Variants in CDT1 observed in about 807,000 individuals in gnomAD.
The protein encoded by CDT1 is DNA replication factor Cdt1.
Under a neutral mutation model 49.3 loss-of-function variants are expected in CDT1, and 66 were observed. That is an observed-to-expected ratio of 1.34 (90% confidence interval 1.10 to 1.64). CDT1 has a LOEUF of 1.64. CDT1 is among the 40% of genes most tolerant of loss of function. The probability of loss-of-function intolerance (pLI) is 0.00; values close to 1 mark genes in which losing one functional copy is unlikely to be tolerated. For missense variants in CDT1, 958 were observed against 807.7 expected, an observed-to-expected ratio of 1.19 and a Z score of -2.26; for synonymous variants, 424 against 347.4, an observed-to-expected ratio of 1.22 and a Z score of -2.45.
In CDT1 at chr16:88,806,538, C is replaced by T. The variant is rs141042249; in HGVS notation, c.986C>T (p.Thr329Ile). The change falls in exon 7 of 10, where the codon ACC becomes ATC. Residue 329 changes from threonine to isoleucine, a missense_variant. Thr to Ile is a moderately conservative substitution (Grantham distance 89, BLOSUM62 -1). Coordinates refer to ENST00000301019, the MANE Select transcript of CDT1 (RefSeq NM_030928.4). Reference protein sequence around the residue: ...PAMVVPEDQLTRWHPRFNVDE... With the variant: ...PAMVVPEDQLIRWHPRFNVDE... ...ATGGTGGTGCCGGAGGACCAGCTGA[C>T]CCGCTGGCACCCGCGCTTCAACGTG... is the stretch of plus-strand genomic sequence containing the variant. The T allele has an allele frequency of 4.3e-6, 7 of 1,609,784 alleles. No individual in the cohort carries two copies. The highest frequency in any genetic ancestry group is 5.9e-6 in the Non-Finnish European group (7 of 1,178,834).
Position 88,806,456 on chromosome 16 carries a change from CAGGGTCACCCA to C in CDT1, c.934-29_934-19del. 2 of 1,605,448 alleles carry C rather than the reference CAGGGTCACCCA, an allele frequency of 1.2e-6. No homozygotes were observed. The highest frequency in any genetic ancestry group is 1.7e-6 in the Non-Finnish European group (2 of 1,177,084). On this transcript the variant is annotated intron_variant, in intron 6 of 9. Transcript: ENST00000301019. ...AGTCTGCCCTTGTCTCAGATGTGCC[CAGGGTCACCCA>C]TCTACTCCTTCTCCCCAGGCCTTCC...
chr16:88,807,231 G>A (rs774562113), intron 8 of CDT1, 28 bp downstream of exon 8: 5 of 1,611,114 alleles, frequency 3.1e-6, no homozygotes, highest in Non-Finnish European at 3.4e-6. Flanking sequence ...ATGGCGGGTG[G>A]GCGCCTGGTG....
Position 88,808,304 on chromosome 16 carries a change from T to A in CDT1, c.*26T>A, listed in dbSNP as rs373891152. On this transcript the variant is annotated 3_prime_UTR_variant, in exon 10 of 10. Coordinates refer to ENST00000301019, the MANE Select transcript of CDT1 (RefSeq NM_030928.4). ...GCCTGGGGGCCACTGTGGACAGACGTGGGCTTCAGAAGCTCGCTGGCCTGG... is the reference window on the plus strand; with the variant it reads ...GCCTGGGGGCCACTGTGGACAGACGAGGGCTTCAGAAGCTCGCTGGCCTGG... 5 of 1,561,106 alleles carry A rather than the reference T, an allele frequency of 3.2e-6. No individual in the cohort carries two copies. The highest frequency in any genetic ancestry group is 3.8e-5 in the Admixed American group (2 of 52,620).
At position 88,805,512 on chromosome 16, in the gene CDT1, C is replaced by T. The variant is rs964098512; in HGVS notation, c.561C>T (p.Pro187=). ...CCGGCCTGCCGGGACTCGTGCTGCCCTACAAGTACCAGGTGCTGGCGGAGA... is the reference window on the plus strand; with the variant it reads ...CCGGCCTGCCGGGACTCGTGCTGCCTTACAAGTACCAGGTGCTGGCGGAGA... ...AQPGLPGLVL[P]YKYQVLAEMF... The change falls in exon 4 of 10, where the codon CCC becomes CCT. Residue 187 remains proline, a synonymous_variant. Transcript: ENST00000301019. 20 of 1,612,820 alleles carry T rather than the reference C, an allele frequency of 1.2e-5. No homozygotes were observed. Among genetic ancestry groups the T allele is most frequent in the Non-Finnish European group, 1.4e-5 (17 of 1,179,980 alleles).
Position 88,806,636 on chromosome 16 carries a change from GA to G in CDT1, c.1085del (p.Glu362GlyfsTer9). 1 of 1,611,380 alleles carries G rather than the reference GA, an allele frequency of 6.2e-7. No homozygotes were observed. The highest frequency in any genetic ancestry group is 8.5e-7 in the Non-Finnish European group (1 of 1,179,686). On this transcript the variant is annotated frameshift_variant, in exon 7 of 10. Coordinates refer to ENST00000301019, the MANE Select transcript of CDT1 (RefSeq NM_030928.4). LOFTEE classifies it high-confidence loss of function. ...PATEKLTTAQEVLARARNLIS... is the reference protein window; with the variant it reads ...PATEKLTTAQXVLARARNLIS... Reference sequence around the variant, plus strand: ...CACGGAGAAGCTCACCACTGCTCAGGAGGTGCTGGCCCGGGCCCGCAACCTG... The same window carrying G: ...CACGGAGAAGCTCACCACTGCTCAGGGGTGCTGGCCCGGGCCCGCAACCTG...
In CDT1 at chr16:88,804,458, G is replaced by C. The variant is rs1908767341; in HGVS notation, c.229-87G>C. ...AGCCATGCCCGTCCCAGTTAACTCA[G>C]AGCGGCTTCTGATCCTTCGGGGTCC... On this transcript the variant is annotated intron_variant, in intron 1 of 9. Transcript: ENST00000301019. 2.0e-6 allele frequency: 3 copies of C among 1,533,708 alleles called. No individual in the cohort carries two copies. The South Asian group carries it at 3.7e-5, about 19-fold the overall frequency.
Position 88,803,791 on chromosome 16 carries a change from C to A in CDT1, c.-41C>A. 1 of 1,462,168 alleles carries A rather than the reference C, an allele frequency of 6.8e-7. No individual in the cohort carries two copies. Among genetic ancestry groups the A allele is most frequent in the Non-Finnish European group, 9.2e-7 (1 of 1,087,722 alleles). The allele number at this position is 1,462,168 out of a possible 1,614,324, so 90.6% of individuals were successfully genotyped here. A position where few individuals can be genotyped will look rare whatever the true frequency, so the allele number is the denominator to read the frequency against. Reference sequence around the variant, plus strand: ...GCGGGAACCGCGCCCGCCTCTTCCTCCCTTCCTTCTTTCCTTGCTTTCGCC... The same window carrying A: ...GCGGGAACCGCGCCCGCCTCTTCCTACCTTCCTTCTTTCCTTGCTTTCGCC... On this transcript the variant is annotated 5_prime_UTR_variant, in exon 1 of 10. Transcript: ENST00000301019.
In CDT1 at chr16:88,807,130, C is replaced by T. The variant is rs759922830; in HGVS notation, c.1202C>T (p.Ala401Val). ...SPGSPRPALP[A>V]TPPATPPAAS... ...GGGTCTCCCAGGCCAGCACTGCCGGCTACCCCACCAGCCACCCCGCCTGCA... is the reference window on the plus strand; with the variant it reads ...GGGTCTCCCAGGCCAGCACTGCCGGTTACCCCACCAGCCACCCCGCCTGCA... The change falls in exon 8 of 10, where the codon GCT becomes GTT. Residue 401 changes from alanine to valine, a missense_variant. Transcript: ENST00000301019. 60 of 1,612,554 alleles carry T rather than the reference C, an allele frequency of 3.7e-5. No individual in the cohort carries two copies. In the South Asian group the frequency reaches 6.5e-4, roughly 17 times the overall value.
At chr16:88,807,686 C>T (rs533706497) in intron 9 of CDT1, among the ~76,000 whole-genome samples, 1 of 152,224 alleles carries the variant, frequency 6.6e-6, no homozygotes, top group Non-Finnish European at 1.5e-5. Context: ...CCCTCCACAC[C>T]TGCAGCCTCT....
chr16:88,804,637 G>A lies in CDT1; in HGVS notation c.321G>A (p.Gln107=), dbSNP rs1319987943. 3.1e-6 allele frequency: 5 copies of A among 1,612,496 alleles called. No homozygotes were observed. In the South Asian group the frequency reaches 4.4e-5, roughly 14 times the overall value. ...KIKKSTPAAG[Q]PPHLTSAQDQ... ...AGAAATCCACCCCGGCAGCAGGTCA[G>A]CCGCCCCACCTGACATCCGCGCAGG... The change falls in exon 2 of 10, where the codon CAG becomes CAA. Residue 107 remains glutamine (Q), a synonymous_variant. Coordinates refer to ENST00000301019, the MANE Select transcript of CDT1 (RefSeq NM_030928.4).
rs377367421 is a variant in CDT1 at position 88,805,851 on chromosome 16, G to A, written c.814G>A (p.Glu272Lys). 8.4e-5 allele frequency: 136 copies of A among 1,612,980 alleles called. No homozygotes were observed. The highest frequency in any genetic ancestry group is 1.1e-4 in the Non-Finnish European group (124 of 1,179,976). ...TRRSDYQLTI[E>K]PLLEQEADGA... ...GAGGTCAGATTACCAGCTCACCATC[G>A]AGCCACTGCTGGAGCAGGGTGAGTG... The change falls in exon 5 of 10, where the codon GAG becomes AAG. Residue 272 changes from glutamate to lysine, a missense_variant. Coordinates refer to ENST00000301019, the MANE Select transcript of CDT1 (RefSeq NM_030928.4).
At position 88,805,545 on chromosome 16, in the gene CDT1, C is replaced by T; in HGVS notation, c.594C>T (p.Arg198=). ...ACCAGGTGCTGGCGGAGATGTTCCG[C>T]AGCATGGACACCATCGTGGGCATGC... ...YKYQVLAEMF[R]SMDTIVGMLH... The change falls in exon 4 of 10, where the codon CGC becomes CGT. Residue 198 remains arginine (R), a synonymous_variant. Transcript: ENST00000301019. 9.3e-6 allele frequency: 15 copies of T among 1,612,908 alleles called. No homozygotes were observed. Among genetic ancestry groups the T allele is most frequent in the Non-Finnish European group, 1.3e-5 (15 of 1,179,968 alleles).
chr16:88,805,829 G>A lies in CDT1; in HGVS notation c.792G>A (p.Arg264=), dbSNP rs773287660. The A allele has an allele frequency of 3.1e-6, 5 of 1,613,066 alleles. No homozygotes were observed. In the South Asian group the frequency reaches 3.3e-5, roughly 11 times the overall value. The change falls in exon 5 of 10, where the codon AGG becomes AGA. Residue 264 remains arginine, a synonymous_variant. Transcript: ENST00000301019. ...SVPTFKDGTR[R]SDYQLTIEPL... is the part of the protein sequence containing the mutation. ...CCACCTTCAAGGATGGCACCAGGAG[G>A]TCAGATTACCAGCTCACCATCGAGC... is the stretch of plus-strand genomic sequence containing the variant.
intron 3 of CDT1, 134 bp from the exon 4 acceptor site, chr16:88,805,306 G>A (rs1195445315): frequency 4.8e-6 from 5 of 1,045,400 alleles, no homozygotes; most frequent in Non-Finnish European, 5.8e-6. Context: ...GCTGGTGGGT[G>A]TGCAAGGGCC....
rs1261033529 is a variant in CDT1 at position 88,804,869 on chromosome 16, A to G, written c.459A>G (p.Pro153=). ...SAQDAGESCT[P]EAEGRPEEPC... ...AGGATGCTGGGGAGTCCTGCACCCC[A>G]GAGGCCGAGGGCCGCCCTGAGGAGC... The change falls in exon 3 of 10, where the codon CCA becomes CCG. Residue 153 remains proline, a synonymous_variant. Transcript: ENST00000301019. 1 of 1,601,168 alleles carries G rather than the reference A, an allele frequency of 6.2e-7. No homozygotes were observed. The highest frequency in any genetic ancestry group is 1.7e-5 in the Admixed American group (1 of 58,414).
At position 88,807,322 on chromosome 16, in the gene CDT1, G is replaced by A. The variant is rs534371300; in HGVS notation, c.1317G>A (p.Thr439=). The A allele has an allele frequency of 3.6e-5, 58 of 1,612,558 alleles. No homozygotes were observed. The highest frequency in any genetic ancestry group is 8.3e-5 in the Admixed American group (5 of 60,008). ...CACAGAAGCAGCTGGCACAGATGAC[G>A]CGGTGCCCGGAGCAGGAGCAGCGGC... The part of the protein sequence containing the change: ...KEAQKQLAQM[T]RCPEQEQRLQ... The change falls in exon 9 of 10, where the codon ACG becomes ACA. Residue 439 remains threonine (T), a synonymous_variant. Coordinates refer to ENST00000301019, the MANE Select transcript of CDT1 (RefSeq NM_030928.4).
In CDT1 at chr16:88,806,651, G is replaced by A; in HGVS notation, c.1099G>A (p.Ala367Thr). 1 of 1,610,064 alleles carries A rather than the reference G, an allele frequency of 6.2e-7. No individual in the cohort carries two copies. Among genetic ancestry groups the A allele is most frequent in the Non-Finnish European group, 8.5e-7 (1 of 1,179,304 alleles). ...LTTAQEVLAR[A>T]RNLISPRMEK... Reference sequence around the variant, plus strand: ...CACTGCTCAGGAGGTGCTGGCCCGGGCCCGCAACCTGATTTCACCCAGGGT... The same window carrying A: ...CACTGCTCAGGAGGTGCTGGCCCGGACCCGCAACCTGATTTCACCCAGGGT... Residue 367 changes from alanine (A) to threonine (T), a missense_variant, in exon 7 of 10, where the codon GCC becomes ACC. Transcript: ENST00000301019.
chr16:88,806,260 C>G (rs1371295428), intron 6 of CDT1, 139 bp downstream of exon 6: 1 of 1,016,104 alleles, frequency 9.8e-7, no homozygotes, highest in African/African-American at 1.6e-5. Flanking sequence ...GAGCTGAGGG[C>G]TGGTGTGCTC....
rs3218731 is a variant in CDT1 at position 88,804,845 on chromosome 16, G to A, written c.435G>A (p.Gln145=). 2,834 of 1,610,906 alleles carry A rather than the reference G, an allele frequency of 1.8e-3. 30 individuals carry two copies. In the African/African-American group the frequency reaches 0.02, roughly 12 times the overall value. Residue 145 remains glutamine (Q), a synonymous_variant, in exon 3 of 10, where the codon CAG becomes CAA. Coordinates refer to ENST00000301019, the MANE Select transcript of CDT1 (RefSeq NM_030928.4). ...ARVRALKASA[Q]DAGESCTPEA... ...TCCGGGCGCTGAAGGCCAGTGCCCA[G>A]GATGCTGGGGAGTCCTGCACCCCAG... is the stretch of plus-strand genomic sequence containing the variant.
Sources: allele counts gnomAD v4.1 joint callset (sites outside exome capture counted in the v4.1 genomes callset), GRCh38; gene constraint gnomAD v4.1.1; transcripts MANE v1.5; gene names NCBI Gene and HGNC (gene_info 2026-07-23, HGNC 2026-07-21).